CNTNAP5: variants seen among roughly 807,000 people sequenced by gnomAD.
CNTNAP5 encodes contactin associated protein family member 5.
Under a neutral mutation model 150.2 loss-of-function variants are expected in CNTNAP5, and 72 were observed. The ratio of observed to expected loss-of-function variants is 0.48; its 90% CI spans 0.40 to 0.58. The LOEUF (loss-of-function observed/expected upper bound fraction) is 0.58. CNTNAP5 is among the 20% of genes least tolerant of loss of function. The pLI, the probability that CNTNAP5 is intolerant of heterozygous loss-of-function variation, is 0.00. For missense variants in CNTNAP5, 1,636 were observed against 1,626.2 expected (o/e 1.01, Z -0.10); for synonymous variants, 672 against 619.8 (o/e 1.08, Z -1.25).
chr2:124,123,829 T>C (rs1204772920), intron 1 of CNTNAP5, among the ~76,000 whole-genome samples: 1 of 152,188 alleles, frequency 6.6e-6, no homozygotes, highest in East Asian at 1.9e-4. Flanking sequence ...CCAACAGACC[T>C]GCAGCTGAGG....
Position 124,611,017 on chromosome 2 carries a change from A to G in CNTNAP5, c.1876+1097A>G, listed in dbSNP as rs559581843. ...TATTATGAGCATCATTAATTGGCAC[A>G]CGCACATTTTTTGTTTGTTTGTTTG... On this transcript the variant is annotated intron_variant, in intron 12 of 23. Coordinates refer to ENST00000682447, the MANE Select transcript of CNTNAP5 (RefSeq NM_001367498.1). Among the ~76,000 whole-genome samples, 68 of 130,834 alleles carry G rather than the reference A, an allele frequency of 5.2e-4. 1 individual carries two copies. In the East Asian group the frequency reaches 7.0e-3, roughly 13 times the overall value. The allele number at this position is 130,834 out of a possible 152,430, so 85.8% of individuals were successfully genotyped here.
intron 8 of CNTNAP5, among the ~76,000 whole-genome samples, chr2:124,518,982 T>C (rs552666358): frequency 6.5e-5 from 8 of 122,992 alleles, no homozygotes; most frequent in Non-Finnish European, 1.1e-4. Flanking sequence ...AAGTGTACTT[T>C]AGCCTGGGCC....
At chr2:124,849,317 C>T (rs1683109122) in intron 19 of CNTNAP5, among the ~76,000 whole-genome samples, 1 of 152,208 alleles carries the variant, frequency 6.6e-6, no homozygotes, top group South Asian at 2.1e-4. Context: ...GATCTCTCCT[C>T]TATTACTTTA....
rs116196836 is a variant in CNTNAP5, at chr2:124,323,544, G to A, written c.381+81151G>A. 9.1e-3 allele frequency among the ~76,000 whole-genome samples: 1,389 copies of A among 152,222 alleles called. 18 individuals carry two copies. The highest frequency in any genetic ancestry group is 0.029 in the African/African-American group (1,213 of 41,518). Reference sequence around the variant, plus strand: ...AGGAGAGGACGACACCTGTGGACCCGACTCTGGGAGGCAGAAGCACCTAGC... The same window carrying A: ...AGGAGAGGACGACACCTGTGGACCCAACTCTGGGAGGCAGAAGCACCTAGC... On this transcript the variant is annotated intron_variant, in intron 3 of 23. Coordinates refer to ENST00000682447, the MANE Select transcript of CNTNAP5 (RefSeq NM_001367498.1).
intron 4 of CNTNAP5, among the ~76,000 whole-genome samples, chr2:124,430,135 A>G (rs1692338032): frequency 6.6e-6 from 1 of 151,860 alleles, no homozygotes; most frequent in Non-Finnish European, 1.5e-5. Flanking sequence ...GGGATGGAGG[A>G]CCCCTTAGAA....
intron 14 of CNTNAP5, among the ~76,000 whole-genome samples, chr2:124,756,011 C>T (rs1680832834): frequency 6.6e-6 from 1 of 152,136 alleles, no homozygotes; most frequent in Admixed American, 6.6e-5. Flanking sequence ...CTGGGAAATA[C>T]TGGCTGAGTT....
Position 124,865,091 on chromosome 2 carries a change from A to T in CNTNAP5, c.3218-215A>T, listed in dbSNP as rs927519566. Among the ~76,000 whole-genome samples the T allele has an allele frequency of 9.2e-4, 135 of 146,128 alleles. 1 individual carries two copies. Among genetic ancestry groups the T allele is most frequent in the Non-Finnish European group, 6.2e-4 (41 of 65,890 alleles). On this transcript the variant is annotated intron_variant, in intron 19 of 23. Transcript: ENST00000682447. ...GTGATAACACCACACACACACACAC[A>T]CTCTCTCTCTCTCTCTCTGTCTCTC...
intron 1 of CNTNAP5, among the ~76,000 whole-genome samples, chr2:124,218,960 G>T (rs905504642): frequency 1.3e-5 from 2 of 152,094 alleles, no homozygotes; most frequent in Non-Finnish European, 2.9e-5. Flanking sequence ...TATCCTGATT[G>T]CCTCTCTGAG....
chr2:124,585,859 T>C (rs1696524455), intron 11 of CNTNAP5, among the ~76,000 whole-genome samples: 1 of 152,012 alleles, frequency 6.6e-6, no homozygotes, highest in African/African-American at 2.4e-5. Flanking sequence ...GGATTTTAAT[T>C]AAAACCTCCT....
At chr2:124,204,615 G>GA (rs1313573180) in intron 1 of CNTNAP5, among the ~76,000 whole-genome samples, 3 of 152,176 alleles carry the variant, frequency 2.0e-5, no homozygotes, top group Non-Finnish European at 4.4e-5. Flanking sequence ...CATATGGCTG[G>GA]AAAGGCCTCA....
At chr2:124,310,522 C>T (rs529244384) in intron 3 of CNTNAP5, among the ~76,000 whole-genome samples, 2 of 152,058 alleles carry the variant, frequency 1.3e-5, no homozygotes, top group African/African-American at 2.4e-5. Flanking sequence ...CCCCCTTTCC[C>T]GTGCCCAAGC....
At chr2:124,095,192 C>T (rs1006126538) in intron 1 of CNTNAP5, among the ~76,000 whole-genome samples, 4 of 152,052 alleles carry the variant, frequency 2.6e-5, no homozygotes, top group Admixed American at 2.6e-4. Context: ...ATGTCCTTTG[C>T]AGGGACATGG....
chr2:124,058,943 C>G (rs1681929756), intron 1 of CNTNAP5, among the ~76,000 whole-genome samples: 1 of 152,140 alleles, frequency 6.6e-6, no homozygotes. Context: ...TCCCCTGGTA[C>G]TCTTTAAAGT....
intron 2 of CNTNAP5, among the ~76,000 whole-genome samples, chr2:124,222,134 A>G (rs1037199649): frequency 6.6e-6 from 1 of 152,136 alleles, no homozygotes; most frequent in African/African-American, 2.4e-5. Context: ...AACATGTTTT[A>G]TAATAAAATA....
At chr2:124,386,302 C>G (rs1189360743) in intron 3 of CNTNAP5, among the ~76,000 whole-genome samples, 1 of 152,160 alleles carries the variant, frequency 6.6e-6, no homozygotes, top group Non-Finnish European at 1.5e-5. Flanking sequence ...TACAGGTTTC[C>G]TATAAATGAG....
At chr2:124,292,639 T>C (rs1481894426) in intron 3 of CNTNAP5, among the ~76,000 whole-genome samples, 1 of 152,028 alleles carries the variant, frequency 6.6e-6, no homozygotes, top group African/African-American at 2.4e-5. Flanking sequence ...TTGACAAGTT[T>C]TATTGTATAA....
chr2:124,433,474 G>A (rs1393528708), intron 4 of CNTNAP5, among the ~76,000 whole-genome samples: 6 of 151,992 alleles, frequency 3.9e-5, no homozygotes, highest in Non-Finnish European at 8.8e-5. Flanking sequence ...AATTATCATT[G>A]TGTATGCTCA....
intron 3 of CNTNAP5, among the ~76,000 whole-genome samples, chr2:124,346,459 C>A (rs935458073): frequency 1.3e-5 from 2 of 152,058 alleles, no homozygotes; most frequent in African/African-American, 4.8e-5. Flanking sequence ...AGCAACAGCC[C>A]AGCACTTAGA....
intron 6 of CNTNAP5, among the ~76,000 whole-genome samples, chr2:124,464,681 T>C (rs1693335689): frequency 1.3e-5 from 2 of 152,206 alleles, no homozygotes; most frequent in Admixed American, 1.3e-4. Context: ...CTTTTTTAAA[T>C]ACTCAACTTT....
Sources: allele counts gnomAD v4.1 joint callset (sites outside exome capture counted in the v4.1 genomes callset), GRCh38; gene constraint gnomAD v4.1.1; transcripts MANE v1.5; gene names NCBI Gene and HGNC (gene_info 2026-07-23, HGNC 2026-07-21).